The following ANGPT1 variants were observed in gnomAD, a reference collection of about 807,000 sequenced individuals.
ANGPT1 encodes the protein angiopoietin 1.
Under a neutral mutation model 62.2 loss-of-function variants are expected in ANGPT1, and 17 were observed. That is an observed-to-expected ratio of 0.27 (90% CI 0.19 to 0.41). The LOEUF (loss-of-function observed/expected upper bound fraction) is 0.41. Among genes scored for constraint, ANGPT1 ranks in the 10% least tolerant of loss-of-function variants. The probability of loss-of-function intolerance (pLI) is 1.00; values close to 1 mark genes in which losing one functional copy is unlikely to be tolerated. For synonymous variants in ANGPT1, 199 were observed against 198.9 expected (o/e 1.00, Z 0.00); for missense variants, 478 against 594.9 (o/e 0.80, Z 2.04).
chr8:107,470,703 A>G (rs910561822), intron 1 of ANGPT1, among the ~76,000 whole-genome samples: 1 of 152,120 alleles, frequency 6.6e-6, no homozygotes, highest in African/African-American at 2.4e-5. Flanking sequence ...TTTACAAGAA[A>G]AAAACAAACA....
chr8:107,433,044 T>A (rs1392849192), intron 1 of ANGPT1, among the ~76,000 whole-genome samples: 1 of 152,232 alleles, frequency 6.6e-6, no homozygotes, highest in Non-Finnish European at 1.5e-5. Flanking sequence ...ATATTTCACA[T>A]TCATGTGAAA....
chr8:107,305,634 T>C (rs1277984867), intron 4 of ANGPT1, among the ~76,000 whole-genome samples: 1 of 152,110 alleles, frequency 6.6e-6, no homozygotes, highest in Non-Finnish European at 1.5e-5. Flanking sequence ...TTGAGAATTC[T>C]ACCATCAAAA....
intron 4 of ANGPT1, among the ~76,000 whole-genome samples, chr8:107,315,672 C>T (rs1020415647): frequency 6.6e-6 from 1 of 151,960 alleles, no homozygotes; most frequent in Admixed American, 6.6e-5. Context: ...TAAAAACCTT[C>T]AAATTTTTCT....
chr8:107,254,218 TGATA>T (rs1435887755), intron 8 of ANGPT1, among the ~76,000 whole-genome samples: 6 of 152,122 alleles, frequency 3.9e-5, no homozygotes, highest in African/African-American at 1.4e-4. Context: ...ATGCTGTATT[TGATA>T]GATACCCCAA....
intron 1 of ANGPT1, among the ~76,000 whole-genome samples, chr8:107,478,596 G>A (rs768826072): frequency 6.6e-6 from 1 of 152,058 alleles, no homozygotes; most frequent in Non-Finnish European, 1.5e-5. Flanking sequence ...AAGTGTCAAT[G>A]CTTATATTGT....
intron 1 of ANGPT1, among the ~76,000 whole-genome samples, chr8:107,479,946 A>G (rs1183897231): frequency 6.6e-6 from 1 of 152,202 alleles, no homozygotes. Flanking sequence ...TACTAAACTT[A>G]TGTGAAACTG....
intron 7 of ANGPT1, among the ~76,000 whole-genome samples, chr8:107,280,272 C>T (rs1813973002): frequency 6.6e-6 from 1 of 151,824 alleles, no homozygotes; most frequent in African/African-American, 2.4e-5. Flanking sequence ...GCAATCTCGG[C>T]TCACTACAAC....
chr8:107,266,058 T>C (rs909234108), intron 7 of ANGPT1, among the ~76,000 whole-genome samples: 2 of 152,198 alleles, frequency 1.3e-5, no homozygotes, highest in Non-Finnish European at 2.9e-5. Context: ...AATCTTCTAA[T>C]GTTGAATTAT....
At chr8:107,496,087 T>C (rs761431758) in intron 1 of ANGPT1, among the ~76,000 whole-genome samples, 1 of 152,172 alleles carries the variant, frequency 6.6e-6, no homozygotes, top group Non-Finnish European at 1.5e-5. Context: ...AATAGAGCAT[T>C]TGTCCTTTCC....
At chr8:107,271,681 C>A (rs909362736) in intron 7 of ANGPT1, among the ~76,000 whole-genome samples, 1 of 151,870 alleles carries the variant, frequency 6.6e-6, no homozygotes, top group Non-Finnish European at 1.5e-5. Context: ...GACAAGAAAC[C>A]AAAGAGTTGC....
chr8:107,337,247 A>G (rs1815588950), intron 2 of ANGPT1, among the ~76,000 whole-genome samples: 1 of 152,178 alleles, frequency 6.6e-6, no homozygotes, highest in Non-Finnish European at 1.5e-5. Flanking sequence ...GGAGACGGTG[A>G]GTCAAACCAA....
chr8:107,313,498 G>C (rs1048475891), intron 4 of ANGPT1, among the ~76,000 whole-genome samples: 1 of 132,760 alleles, frequency 7.5e-6, no homozygotes, highest in Non-Finnish European at 1.6e-5. Flanking sequence ...GGAGTGCAGC[G>C]GCGCAATCTC....
At chr8:107,311,552 T>C (rs1355645495) in intron 4 of ANGPT1, among the ~76,000 whole-genome samples, 1 of 152,224 alleles carries the variant, frequency 6.6e-6, no homozygotes. Flanking sequence ...TACAAACTCT[T>C]ACATTTATGT....
At chr8:107,309,173 C>T (rs1162212662) in intron 4 of ANGPT1, among the ~76,000 whole-genome samples, 4 of 152,156 alleles carry the variant, frequency 2.6e-5, no homozygotes, top group Admixed American at 6.5e-5. Context: ...GTTCTTCAAT[C>T]GTTCATTTTA....
intron 1 of ANGPT1, among the ~76,000 whole-genome samples, chr8:107,427,974 T>C (rs2130395518): frequency 6.6e-6 from 1 of 152,182 alleles, no homozygotes; most frequent in East Asian, 1.9e-4. Context: ...ACCTGGTGAG[T>C]AGATCAAGGC....
intron 1 of ANGPT1, among the ~76,000 whole-genome samples, chr8:107,491,273 C>T (rs572736885): frequency 1.3e-5 from 2 of 152,032 alleles, no homozygotes; most frequent in East Asian, 3.9e-4. Flanking sequence ...TAAGGTTCTA[C>T]CATGTGTCAT....
chr8:107,428,529 C>T (rs1341297370), intron 1 of ANGPT1, among the ~76,000 whole-genome samples: 1 of 152,060 alleles, frequency 6.6e-6, no homozygotes, highest in Admixed American at 6.6e-5. Flanking sequence ...TCTTCAGCTC[C>T]TTCATTTGGT....
chr8:107,310,301 G>A (rs1039161250), intron 4 of ANGPT1, among the ~76,000 whole-genome samples: 1 of 152,116 alleles, frequency 6.6e-6, no homozygotes, highest in African/African-American at 2.4e-5. Context: ...ATGGGAAGTT[G>A]AAGCTCAGAA....
At chr8:107,432,106 AG>A (rs1811202889) in intron 1 of ANGPT1, among the ~76,000 whole-genome samples, 1 of 152,014 alleles carries the variant, frequency 6.6e-6, no homozygotes, top group African/African-American at 2.4e-5. Flanking sequence ...TTGATATTTG[AG>A]GGATTAAAAT....
Sources: allele counts gnomAD v4.1 joint callset (sites outside exome capture counted in the v4.1 genomes callset), GRCh38; gene constraint gnomAD v4.1.1; transcripts MANE v1.5; gene names NCBI Gene and HGNC (gene_info 2026-07-23, HGNC 2026-07-21).